Variants in BMAL2 observed in about 807,000 individuals in gnomAD.
BMAL2 encodes the protein basic helix-loop-helix ARNT like 2.
At chr12:27,382,335 G>A in the BMAL2 span, among the ~76,000 whole-genome samples, 2 of 152,202 alleles carry the variant, frequency 1.3e-5, no homozygotes, top group African/African-American at 2.4e-5. Flanking sequence ...CCGCATTCCT[G>A]TTCTGTGCTG....
chr12:27,339,426 G>A, the BMAL2 span, among the ~76,000 whole-genome samples: 6 of 152,120 alleles, frequency 3.9e-5, no homozygotes, highest in Non-Finnish European at 8.8e-5. Context: ...AAATATGCAT[G>A]CATCTTTATA....
chr12:27,408,866 G>A, the BMAL2 span, among the ~76,000 whole-genome samples: 194 of 152,120 alleles, frequency 1.3e-3, 1 homozygote, highest in Admixed American at 2.8e-3. Flanking sequence ...GCCCAAAATC[G>A]CCTTAAGCTG....
At chr12:27,334,785 A>T in the BMAL2 span, among the ~76,000 whole-genome samples, 5 of 152,240 alleles carry the variant, frequency 3.3e-5, no homozygotes, top group South Asian at 6.2e-4. Context: ...GGGCTGGGAG[A>T]GCCCGCAGGT....
At chr12:27,424,200 GTTA>G in the BMAL2 span, 1 of 152,094 alleles carries the variant, frequency 6.6e-6, no homozygotes, top group Non-Finnish European at 1.5e-5. Flanking sequence ...ATATTAAGTG[GTTA>G]TTATTGAAGT....
At chr12:27,414,958 A>G in the BMAL2 span, among the ~76,000 whole-genome samples, 7 of 152,338 alleles carry the variant, frequency 4.6e-5, no homozygotes, top group East Asian at 1.3e-3. Flanking sequence ...GCTAAGTGAA[A>G]TAAGCCAGAT....
chr12:27,400,444 A>G, the BMAL2 span: 1 of 1,111,636 alleles, frequency 9.0e-7, no homozygotes. Context: ...ATTTTATAGC[A>G]CAATTATAAC....
chr12:27,365,482 T>G, the BMAL2 span, among the ~76,000 whole-genome samples: 4 of 152,056 alleles, frequency 2.6e-5, no homozygotes, highest in African/African-American at 4.8e-5. Flanking sequence ...TATGTAAGCC[T>G]CCTTGACAAA....
At chr12:27,367,346 G>T in the BMAL2 span, among the ~76,000 whole-genome samples, 1 of 152,110 alleles carries the variant, frequency 6.6e-6, no homozygotes, top group African/African-American at 2.4e-5. Context: ...GTGTGCAGTT[G>T]ATAACTTATG....
At chr12:27,350,996 T>TCCCCC in the BMAL2 span, among the ~76,000 whole-genome samples, 1 of 35,800 alleles carries the variant, frequency 2.8e-5, no homozygotes, top group African/African-American at 1.1e-4. Context: ...CACCCCCCCT[T>TCCCCC]TTTTTTTTTT....
chr12:27,390,357 T>C, the BMAL2 span: 1 of 1,189,542 alleles, frequency 8.4e-7, no homozygotes, highest in African/African-American at 1.6e-5. Context: ...TTCAAAAGCA[T>C]CTTAAAAATA....
At chr12:27,377,890 G>C in the BMAL2 span, among the ~76,000 whole-genome samples, 30 of 152,186 alleles carry the variant, frequency 2.0e-4, no homozygotes, top group African/African-American at 6.8e-4. Flanking sequence ...TGCCGAGGGT[G>C]AATGGTTGGG....
At chr12:27,360,899 T>C in the BMAL2 span, among the ~76,000 whole-genome samples, 1 of 150,296 alleles carries the variant, frequency 6.7e-6, no homozygotes. Flanking sequence ...AGTTAAGAAT[T>C]AAAGGCCACT....
At chr12:27,405,795 G>A in the BMAL2 span, among the ~76,000 whole-genome samples, 27 of 151,610 alleles carry the variant, frequency 1.8e-4, no homozygotes, top group African/African-American at 4.4e-4. Context: ...AAACTACTCC[G>A]AGCTAAAGGA....
the BMAL2 span, among the ~76,000 whole-genome samples, chr12:27,388,367 A>T: frequency 2.0e-5 from 3 of 152,194 alleles, no homozygotes; most frequent in Non-Finnish European, 2.9e-5. Context: ...AATGAAACAT[A>T]TAACCGCCAA....
At chr12:27,358,154 G>A in the BMAL2 span, among the ~76,000 whole-genome samples, 15 of 151,996 alleles carry the variant, frequency 9.9e-5, no homozygotes, top group African/African-American at 1.7e-4. Context: ...CTATACATCT[G>A]ACAAAGGACT....
At chr12:27,337,905 C>G in the BMAL2 span, among the ~76,000 whole-genome samples, 6 of 152,164 alleles carry the variant, frequency 3.9e-5, 1 homozygote, top group Non-Finnish European at 5.9e-5. Flanking sequence ...CCAGAATCTC[C>G]TCGTCACCCA....
chr12:27,347,171 T>G, the BMAL2 span, among the ~76,000 whole-genome samples: 1 of 152,182 alleles, frequency 6.6e-6, no homozygotes, highest in Non-Finnish European at 1.5e-5. Flanking sequence ...GTGGACTAAG[T>G]GTAGCTTAGT....
chr12:27,420,257 G>T, the BMAL2 span: 2 of 1,009,782 alleles, frequency 2.0e-6, no homozygotes, highest in Non-Finnish European at 2.9e-6. Flanking sequence ...TATATACTTT[G>T]CCTTCAAAAA....
the BMAL2 span, among the ~76,000 whole-genome samples, chr12:27,355,849 T>C: frequency 2.0e-5 from 3 of 152,204 alleles, no homozygotes; most frequent in Non-Finnish European, 4.4e-5. Flanking sequence ...ACAGTTATGC[T>C]TTGTCCCAGG....
Sources: allele counts gnomAD v4.1 joint callset (sites outside exome capture counted in the v4.1 genomes callset), GRCh38; gene constraint gnomAD v4.1.1; transcripts MANE v1.5; gene names NCBI Gene and HGNC (gene_info 2026-07-23, HGNC 2026-07-21).